The following TBC1D1 variants were observed in gnomAD, a reference collection of about 807,000 sequenced individuals.
The protein encoded by TBC1D1 is TBC1 (tre-2/USP6, BUB2, cdc16) domain family, member 1.
In TBC1D1, 89 loss-of-function variants were observed where a neutral mutation model predicts 125.6. The observed-to-expected ratio is 0.71, with a 90% CI of 0.60 to 0.85. The LOEUF is 0.85. Ranked by LOEUF, TBC1D1 falls within the 40% of genes least tolerant of loss-of-function variation. The pLI, the probability that TBC1D1 is intolerant of heterozygous loss-of-function variation, is 0.00. For missense variants in TBC1D1, 1,377 were observed against 1,469.2 expected (o/e 0.94, Z 1.03); for synonymous variants, 565 against 564.1 (o/e 1.00, Z -0.02).
chr4:38,119,509 C>A (rs1763515424), intron 17 of TBC1D1, among the ~76,000 whole-genome samples: 1 of 149,932 alleles, frequency 6.7e-6, no homozygotes, highest in African/African-American at 2.5e-5. Flanking sequence ...AAGGTTTATA[C>A]CATGGTTAAA....
chr4:38,060,765 A>T, intron 12 of TBC1D1: 1 of 673,690 alleles, frequency 1.5e-6, no homozygotes, highest in Non-Finnish European at 2.2e-6. Flanking sequence ...TACAAACTTG[A>T]TGTGCTTGGA....
intron 11 of TBC1D1, among the ~76,000 whole-genome samples, chr4:38,050,130 C>T (rs1750231385): frequency 6.6e-6 from 1 of 152,178 alleles, no homozygotes; most frequent in African/African-American, 2.4e-5. Flanking sequence ...TGGTACCTAA[C>T]ATGCATAGTC....
At chr4:38,038,141 G>A (rs565409207) in intron 8 of TBC1D1, among the ~76,000 whole-genome samples, 9 of 152,322 alleles carry the variant, frequency 5.9e-5, no homozygotes, top group African/African-American at 2.2e-4. Flanking sequence ...GCAGTTACTA[G>A]TGAGTAGTGG....
intron 12 of TBC1D1, among the ~76,000 whole-genome samples, chr4:38,073,466 G>A (rs74725698): frequency 0.024 from 3,724 of 152,272 alleles, 113 homozygotes; most frequent in African/African-American, 0.068. Flanking sequence ...TTCCTTCATA[G>A]TTAATGTGGT....
intron 12 of TBC1D1, among the ~76,000 whole-genome samples, chr4:38,079,409 C>G (rs16994195): frequency 6.6e-6 from 1 of 151,974 alleles, no homozygotes; most frequent in African/African-American, 2.4e-5. Flanking sequence ...GATGAAAGTG[C>G]GACTTGACTG....
intron 2 of TBC1D1, among the ~76,000 whole-genome samples, chr4:37,966,843 G>A (rs1489053304): frequency 6.6e-6 from 1 of 152,138 alleles, no homozygotes; most frequent in Non-Finnish European, 1.5e-5. Flanking sequence ...TTTCAGAGGG[G>A]CATTTGCCTA....
chr4:38,104,255 G>A (rs974601156), intron 15 of TBC1D1, among the ~76,000 whole-genome samples: 1 of 151,986 alleles, frequency 6.6e-6, no homozygotes, highest in African/African-American at 2.4e-5. Context: ...GAGCACCGTG[G>A]ATTTTGGTGT....
chr4:38,099,339 G>A (rs1308702549), intron 14 of TBC1D1, among the ~76,000 whole-genome samples: 1 of 152,144 alleles, frequency 6.6e-6, no homozygotes, highest in Non-Finnish European at 1.5e-5. Flanking sequence ...AGTACAGCAT[G>A]GTCTCCTGTA....
At chr4:38,120,867 C>T (rs1162429171) in intron 17 of TBC1D1, among the ~76,000 whole-genome samples, 1 of 152,130 alleles carries the variant, frequency 6.6e-6, no homozygotes, top group East Asian at 1.9e-4. Context: ...ACCTGGCTTG[C>T]TCCTGATGGA....
intron 2 of TBC1D1, among the ~76,000 whole-genome samples, chr4:38,008,638 T>C (rs1001722569): frequency 6.6e-6 from 1 of 152,196 alleles, no homozygotes; most frequent in South Asian, 2.1e-4. Context: ...TATGCCCAGA[T>C]GCCTCCTCAG....
intron 9 of TBC1D1, among the ~76,000 whole-genome samples, chr4:38,044,958 C>T (rs1749113009): frequency 6.6e-6 from 1 of 152,202 alleles, no homozygotes; most frequent in African/African-American, 2.4e-5. Context: ...TGAAACACCG[C>T]CACATCCATT....
At position 38,118,105 on chromosome 4, in the gene TBC1D1, G is replaced by A. The variant is rs987983160; in HGVS notation, c.2875G>A (p.Glu959Lys). 4 of 1,614,122 alleles carry A rather than the reference G, an allele frequency of 2.5e-6. No individual in the cohort carries two copies. The highest frequency in any genetic ancestry group is 2.5e-6 in the Non-Finnish European group (3 of 1,180,022). The stretch of plus-strand genomic sequence containing the variant: ...CCTCTACAATCACCTGGAGGAGCAC[G>A]AGATCGGCCCCAGCCTCTACGCTGC... The change falls in exon 17 of 20, where the codon GAG becomes AAG. Residue 959 changes from glutamate to lysine, a missense_variant. Coordinates refer to ENST00000261439, the MANE Select transcript of TBC1D1 (RefSeq NM_015173.4).
chr4:37,987,210 G>A (rs1202409476), intron 2 of TBC1D1, among the ~76,000 whole-genome samples: 2 of 152,086 alleles, frequency 1.3e-5, no homozygotes, highest in African/African-American at 2.4e-5. Flanking sequence ...CTTTATATGT[G>A]CCAGCCATTG....
intron 2 of TBC1D1, among the ~76,000 whole-genome samples, chr4:37,962,581 G>A (rs957569982): frequency 1.1e-4 from 17 of 152,202 alleles, no homozygotes; most frequent in Non-Finnish European, 1.9e-4. Context: ...GGATCTAAAT[G>A]ATATCAGAGT....
intron 2 of TBC1D1, among the ~76,000 whole-genome samples, chr4:38,011,395 C>T (rs1741470309): frequency 1.3e-5 from 2 of 151,696 alleles, no homozygotes; most frequent in Non-Finnish European, 2.9e-5. Context: ...AAAAACAGTG[C>T]CCCAGGTCCA....
At chr4:38,107,639 C>T (rs1297592212) in intron 15 of TBC1D1, among the ~76,000 whole-genome samples, 1 of 121,600 alleles carries the variant, frequency 8.2e-6, no homozygotes, top group East Asian at 2.6e-4. Context: ...GAATAATAGG[C>T]CTCATGGCTG....
intron 2 of TBC1D1, among the ~76,000 whole-genome samples, chr4:37,919,814 A>C (rs948049323): frequency 6.6e-6 from 1 of 152,144 alleles, no homozygotes; most frequent in Admixed American, 6.5e-5. Context: ...TTAGTTCAGT[A>C]AACATTAACT....
intron 2 of TBC1D1, among the ~76,000 whole-genome samples, chr4:37,943,570 C>G (rs1354460033): frequency 6.6e-6 from 1 of 152,164 alleles, no homozygotes; most frequent in East Asian, 1.9e-4. Flanking sequence ...TCTCTTCTTG[C>G]TTCATTTCAT....
At chr4:38,049,993 A>G in intron 11 of TBC1D1, 95 bp downstream of exon 11, 4 of 1,367,760 alleles carry the variant, frequency 2.9e-6, no homozygotes, top group Non-Finnish European at 4.0e-6. Context: ...AGTGAGAGAA[A>G]TGAGTCAGGC....
Sources: gnomAD v4.1 joint callset for allele counts (sites outside exome capture counted in the v4.1 genomes callset) on GRCh38, gnomAD v4.1.1 for gene constraint, MANE v1.5 for transcripts, NCBI Gene and HGNC (gene_info 2026-07-23, HGNC 2026-07-21) for gene names.